DIAPH2: variants seen among roughly 807,000 people sequenced by gnomAD.
DIAPH2 encodes the protein diaphanous related formin 2.
A neutral mutation model predicts 92.7 loss-of-function variants in DIAPH2; 35 were observed. The observed-to-expected ratio is 0.38, with a 90% CI of 0.29 to 0.50. DIAPH2 has a LOEUF of 0.50. Among genes scored for constraint, DIAPH2 ranks in the 20% least tolerant of loss-of-function variants. DIAPH2 has a pLI of 0.94. For synonymous variants in DIAPH2, 301 were observed against 280.4 expected (o/e 1.07, Z -0.73); for missense variants, 701 against 819.5 (o/e 0.86, Z 1.77).
chrX:97,114,937 T>C lies in DIAPH2; in HGVS notation c.2561T>C (p.Leu854Ser), dbSNP rs1258472327. Residue 854 changes from leucine to serine, a missense_variant, in exon 21 of 27, where the codon TTG becomes TCG. By Grantham distance (145) the Leu-to-Ser change is moderately radical. Transcript: ENST00000324765. ...MNSGSRNAQSLGFKINFLCKI... is the reference protein window; with the variant it reads ...MNSGSRNAQSSGFKINFLCKI... Reference sequence around the variant, plus strand: ...TCAGGCTCAAGAAATGCCCAGTCTTTGGGATTTAAGATCAACTTCCTTTGT... The same window carrying C: ...TCAGGCTCAAGAAATGCCCAGTCTTCGGGATTTAAGATCAACTTCCTTTGT... 8.4e-7 allele frequency: 1 copy of C among 1,188,473 alleles called. No homozygotes were observed. Among genetic ancestry groups the C allele is most frequent in the Non-Finnish European group, 1.1e-6 (1 of 883,569 alleles).
At chrX:97,589,139 G>A (rs2071499895) in intron 26 of DIAPH2, among the ~76,000 whole-genome samples, 1 of 98,311 alleles carries the variant, frequency 1.0e-5, no homozygotes, top group Admixed American at 1.1e-4. Flanking sequence ...CCAACATGGT[G>A]AAACCCCATC....
At chrX:97,017,198 T>G (rs1033215866) in intron 17 of DIAPH2, among the ~76,000 whole-genome samples, 3 of 112,289 alleles carry the variant, frequency 2.7e-5, no homozygotes, top group African/African-American at 9.7e-5. Context: ...TGATAATCAC[T>G]AAATATTTTT....
chrX:97,196,612 C>T (rs942920123), intron 22 of DIAPH2, among the ~76,000 whole-genome samples: 4 of 111,654 alleles, frequency 3.6e-5, no homozygotes, highest in African/African-American at 1.3e-4. Flanking sequence ...AAAATGTTCA[C>T]TCTGACCTTT....
At chrX:97,558,750 T>C (rs888102497) in intron 26 of DIAPH2, among the ~76,000 whole-genome samples, 5 of 111,992 alleles carry the variant, frequency 4.5e-5, no homozygotes, top group African/African-American at 1.6e-4. Flanking sequence ...ATAAGAGTGA[T>C]ATTTCTTTCA....
At chrX:97,196,944 G>A (rs1414031102) in intron 22 of DIAPH2, among the ~76,000 whole-genome samples, 1 of 109,507 alleles carries the variant, frequency 9.1e-6, no homozygotes, top group Non-Finnish European at 1.9e-5. Context: ...GTGCCACCAC[G>A]CCTGACTAAT....
At chrX:97,396,498 C>G (rs1196708766) in intron 25 of DIAPH2, among the ~76,000 whole-genome samples, 2 of 110,181 alleles carry the variant, frequency 1.8e-5, no homozygotes, top group Admixed American at 1.9e-4. Context: ...ATGGTGAAAC[C>G]CCGTCTCTAC....
intron 5 of DIAPH2, among the ~76,000 whole-genome samples, chrX:96,907,649 A>G (rs1452350483): frequency 1.3e-4 from 15 of 112,166 alleles, no homozygotes; most frequent in Admixed American, 1.0e-3. Flanking sequence ...ACTTAAAAAG[A>G]CTGACAAGGA....
intron 12 of DIAPH2, among the ~76,000 whole-genome samples, chrX:96,941,440 C>T (rs760233824): frequency 4.5e-4 from 50 of 111,749 alleles, no homozygotes; most frequent in Non-Finnish European, 9.4e-5. Flanking sequence ...AATAGCCATG[C>T]ATATTAAGTG....
chrX:97,185,504 T>C (rs1196664857), intron 22 of DIAPH2, among the ~76,000 whole-genome samples: 7 of 60,426 alleles, frequency 1.2e-4, no homozygotes, highest in East Asian at 6.0e-4. Flanking sequence ...TATATATATA[T>C]ATATATATAT....
At chrX:97,081,699 A>T (rs1370549072) in intron 19 of DIAPH2, 1 of 110,201 alleles carries the variant, frequency 9.1e-6, no homozygotes, top group African/African-American at 3.3e-5. Flanking sequence ...GCACGCCTGT[A>T]ATCCCAGCTA....
At position 97,603,317 on chromosome X, in the gene DIAPH2, G is replaced by C. The variant is rs2071605598; in HGVS notation, c.*4000G>C. On this transcript the variant is annotated 3_prime_UTR_variant, in exon 27 of 27. Coordinates refer to ENST00000324765, the MANE Select transcript of DIAPH2 (RefSeq NM_006729.5). ...CTGTCACCCAGGCTGCAGTGTAGTG[G>C]TGCAAACATAGCTCCCTGTAACCTC... 1.8e-5 allele frequency: 2 copies of C among 110,499 alleles called. No individual in the cohort carries two copies. The highest frequency in any genetic ancestry group is 1.9e-4 in the Admixed American group (2 of 10,357). 9.1% of individuals were successfully genotyped at this position (110,499 alleles called of 1,213,427 possible).
chrX:97,245,557 G>A (rs1476337219), intron 22 of DIAPH2, among the ~76,000 whole-genome samples: 1 of 110,358 alleles, frequency 9.1e-6, no homozygotes, highest in Non-Finnish European at 1.9e-5. Flanking sequence ...ACAGGTGTGA[G>A]CCACCACACC....
At chrX:96,950,434 A>G (rs1478778813) in intron 15 of DIAPH2, among the ~76,000 whole-genome samples, 1 of 111,312 alleles carries the variant, frequency 9.0e-6, no homozygotes, top group East Asian at 2.8e-4. Flanking sequence ...TTTAAATTTT[A>G]CTACCAATTT....
intron 23 of DIAPH2, among the ~76,000 whole-genome samples, chrX:97,275,237 C>A (rs1199297811): frequency 2.8e-5 from 3 of 106,344 alleles, no homozygotes; most frequent in African/African-American, 6.9e-5. Context: ...GTGCCCCCCC[C>A]ACCTCCCAGA....
intron 26 of DIAPH2, among the ~76,000 whole-genome samples, chrX:97,478,368 GATTATAT>G (rs2070626311): frequency 3.6e-5 from 4 of 111,416 alleles, no homozygotes; most frequent in African/African-American, 1.3e-4. Context: ...TTGAATCTCT[GATTATAT>G]ACATTTGTTT....
intron 4 of DIAPH2, among the ~76,000 whole-genome samples, chrX:96,792,854 T>A (rs1475922480): frequency 8.9e-6 from 1 of 112,211 alleles, no homozygotes; most frequent in African/African-American, 3.2e-5. Flanking sequence ...CATTTTGATG[T>A]TAATTTATTT....
At chrX:96,894,913 G>A (rs1260004444) in intron 5 of DIAPH2, among the ~76,000 whole-genome samples, 2 of 108,073 alleles carry the variant, frequency 1.9e-5, no homozygotes, top group African/African-American at 3.4e-5. Context: ...AGAATAAATC[G>A]CTATAGAGGA....
At chrX:97,262,589 G>A (rs1441736632) in intron 23 of DIAPH2, among the ~76,000 whole-genome samples, 5 of 112,135 alleles carry the variant, frequency 4.5e-5, no homozygotes, top group Admixed American at 1.9e-4. Flanking sequence ...AGGATGACTG[G>A]ATGAGGAAGA....
chrX:97,002,613 G>T (rs2066152195), intron 17 of DIAPH2, among the ~76,000 whole-genome samples: 1 of 110,990 alleles, frequency 9.0e-6, no homozygotes, highest in African/African-American at 3.3e-5. Flanking sequence ...AATGAATTAT[G>T]TTCTAAGTTT....
Sources: allele counts gnomAD v4.1 joint callset (sites outside exome capture counted in the v4.1 genomes callset), GRCh38; gene constraint gnomAD v4.1.1; transcripts MANE v1.5; gene names NCBI Gene and HGNC (gene_info 2026-07-23, HGNC 2026-07-21).